The following CSE1L variants were observed in gnomAD, a reference collection of about 807,000 sequenced individuals.
CSE1L encodes chromosome segregation 1 like.
In CSE1L, 24 loss-of-function variants were observed where a neutral mutation model predicts 120.4. The observed-to-expected ratio is 0.20, with a 90% CI of 0.14 to 0.28. The LOEUF is 0.28. CSE1L is among the 10% of genes least tolerant of loss of function. The probability of loss-of-function intolerance (pLI) is 1.00; values close to 1 mark genes in which losing one functional copy is unlikely to be tolerated. For missense variants in CSE1L, 830 were observed against 1,145.2 expected, an observed-to-expected ratio of 0.72 and a Z score of 3.97; for synonymous variants, 402 against 398.3, an observed-to-expected ratio of 1.01 and a Z score of -0.11.
chr20:49,092,476 T>G (rs928894179), intron 22 of CSE1L, among the ~76,000 whole-genome samples: 1 of 151,926 alleles, frequency 6.6e-6, no homozygotes, highest in African/African-American at 2.4e-5. Flanking sequence ...CTCTACACAC[T>G]GGCATTCTCC....
intron 1 of CSE1L, among the ~76,000 whole-genome samples, chr20:49,047,564 CTTTTTTTTTT>C (rs59986218): frequency 0.15 from 10,636 of 70,150 alleles, 757 homozygotes; most frequent in Middle Eastern, 0.21. Flanking sequence ...TTTCTCTTTT[CTTTTTTTTTT>C]TTTTTTTTTT....
Position 49,050,718 on chromosome 20 carries a change from A to C in CSE1L, c.-12+4295A>C, listed in dbSNP as rs571855505. On this transcript the variant is annotated intron_variant, in intron 1 of 24. Transcript: ENST00000262982. The stretch of plus-strand genomic sequence containing the variant: ...AAGCCACCGCGCCCGGCCTGAGCCC[A>C]GCTAATTTTTAAAATTTTTTGTAGA... Among the ~76,000 whole-genome samples, 12 of 151,780 alleles carry C rather than the reference A, an allele frequency of 7.9e-5. No individual in the cohort carries two copies. In the East Asian group the frequency reaches 2.1e-3, roughly 27 times the overall value.
At chr20:49,076,564 CTG>C (rs1252835586) in intron 12 of CSE1L, among the ~76,000 whole-genome samples, 1 of 108,812 alleles carries the variant, frequency 9.2e-6, no homozygotes, top group Non-Finnish European at 1.7e-5. Context: ...TTGTCTTGCT[CTG>C]TCATCCAGGC....
chr20:49,090,425 A>G (rs531338895), intron 19 of CSE1L, among the ~76,000 whole-genome samples: 119 of 152,202 alleles, frequency 7.8e-4, no homozygotes, highest in Non-Finnish European at 1.6e-3. Flanking sequence ...GTGTGGTGGC[A>G]CGTGCCTGTA....
chr20:49,086,124 A>G (rs1312583847), intron 16 of CSE1L, among the ~76,000 whole-genome samples: 3 of 152,086 alleles, frequency 2.0e-5, no homozygotes, highest in African/African-American at 7.2e-5. Flanking sequence ...GCACTACATT[A>G]GTTGAGTGTC....
Position 49,078,618 on chromosome 20 carries a change from A to C in CSE1L, c.1478A>C (p.Asn493Thr). 6.4e-7 allele frequency: 1 copy of C among 1,557,554 alleles called. No individual in the cohort carries two copies. The highest frequency in any genetic ancestry group is 8.7e-7 in the Non-Finnish European group (1 of 1,146,506). Reference sequence around the variant, plus strand: ...ATCAAATATATTATGATTTTTAGAAATCAAGTAAGTAGCTTTTTATTTGTT... The same window carrying C: ...ATCAAATATATTATGATTTTTAGAACTCAAGTAAGTAGCTTTTTATTTGTT... ...DGIKYIMIFR[N>T]QVPKEHLLVS... Residue 493 changes from asparagine to threonine, a missense_variant, in exon 14 of 25, where the codon AAT becomes ACT. Coordinates refer to ENST00000262982, the MANE Select transcript of CSE1L (RefSeq NM_001316.4).
chr20:49,087,912 T>G, intron 16 of CSE1L, 97 bp from the exon 17 acceptor site: 1 of 710,684 alleles, frequency 1.4e-6, no homozygotes, highest in Non-Finnish European at 2.3e-6. Flanking sequence ...TCTTAAAATT[T>G]AGTTGATGAA....
chr20:49,061,744 C>T (rs183657834), intron 2 of CSE1L, among the ~76,000 whole-genome samples: 1 of 151,646 alleles, frequency 6.6e-6, no homozygotes, highest in Admixed American at 6.6e-5. Flanking sequence ...ACCTTGTGAT[C>T]CACTCGTCTC....
chr20:49,085,347 A>T lies in CSE1L; in HGVS notation c.1684A>T (p.Thr562Ser). Residue 562 changes from threonine (T) to serine (S), a missense_variant, in exon 16 of 25, where the codon ACA becomes TCA. Physicochemically the swap from Thr to Ser is moderately conservative, Grantham distance 58 (BLOSUM62 1). Around this residue, in one of 4 missense-constraint regions of CSE1L, gnomAD observed 168 missense variants for 267.9 expected, o/e 0.63. Coordinates refer to ENST00000262982, the MANE Select transcript of CSE1L (RefSeq NM_001316.4). ...ILLTNLFKAL[T>S]LPGSSENEYI... is the part of the protein sequence containing the mutation. ...GCTAACAAACCTTTTCAAAGCTCTCACACTTCCTGGCTCTTCAGAAAATGA... is the reference window on the plus strand; with the variant it reads ...GCTAACAAACCTTTTCAAAGCTCTCTCACTTCCTGGCTCTTCAGAAAATGA... 1.9e-6 allele frequency: 3 copies of T among 1,613,904 alleles called. No individual in the cohort carries two copies. Among genetic ancestry groups the T allele is most frequent in the African/African-American group, 2.7e-5 (2 of 74,974 alleles).
At position 49,096,338 on chromosome 20, in the gene CSE1L, A is replaced by G. The variant is rs1213241276; in HGVS notation, c.2827-11A>G. On this transcript the variant is annotated splice_polypyrimidine_tract_variant and intron_variant, in intron 24 of 24. Coordinates refer to ENST00000262982, the MANE Select transcript of CSE1L (RefSeq NM_001316.4). ...CTCCAACAGCCAGTGTGTGTTTCCC[A>G]TCTCTTGTAGGTTCCATCAATGGTG... 6 of 1,609,682 alleles carry G rather than the reference A, an allele frequency of 3.7e-6. No homozygotes were observed. The highest frequency in any genetic ancestry group is 5.1e-6 in the Non-Finnish European group (6 of 1,176,190).
intron 13 of CSE1L, 106 bp downstream of exon 13, chr20:49,077,170 T>C (rs1337009510): frequency 4.2e-6 from 3 of 713,908 alleles, no homozygotes; most frequent in East Asian, 2.8e-5. Flanking sequence ...TTTTTTTTTT[T>C]TTCTTTTGAG....
chr20:49,094,687 G>A (rs535837198), intron 23 of CSE1L, 45 bp from the exon 24 acceptor site: 8 of 1,358,858 alleles, frequency 5.9e-6, no homozygotes, highest in East Asian at 2.3e-5. Context: ...TAAGTCTTCC[G>A]AGTATTTTCT....
intron 1 of CSE1L, among the ~76,000 whole-genome samples, chr20:49,051,608 T>G (rs2869693): frequency 0.99 from 150,802 of 152,396 alleles, 74,622 homozygotes; most frequent in Middle Eastern, 1. Flanking sequence ...GCTTTCCGTG[T>G]GCAGAGCTCT....
intron 17 of CSE1L, among the ~76,000 whole-genome samples, chr20:49,088,439 C>G (rs1220635941): frequency 6.6e-6 from 1 of 152,182 alleles, no homozygotes; most frequent in African/African-American, 2.4e-5. Flanking sequence ...AAGAGGCTGT[C>G]TGGACTTCTA....
At chr20:49,055,070 G>A (rs1450455386) in intron 1 of CSE1L, among the ~76,000 whole-genome samples, 5 of 152,202 alleles carry the variant, frequency 3.3e-5, no homozygotes, top group African/African-American at 1.2e-4. Context: ...TTCAGAATTT[G>A]GGATTTTTTT....
intron 7 of CSE1L, among the ~76,000 whole-genome samples, 161 bp from the exon 8 acceptor site, chr20:49,070,044 G>A (rs553094144): frequency 6.6e-6 from 1 of 152,340 alleles, no homozygotes; most frequent in South Asian, 2.1e-4. Flanking sequence ...GCTTTATGCA[G>A]CTGCCAGATG....
intron 12 of CSE1L, 108 bp downstream of exon 12, chr20:49,075,628 C>G: frequency 1.2e-6 from 1 of 845,508 alleles, no homozygotes; most frequent in African/African-American, 1.7e-5. Flanking sequence ...GCCAGATAAC[C>G]TATTCTGATT....
At chr20:49,057,455 T>TC (rs11482934) in intron 1 of CSE1L, among the ~76,000 whole-genome samples, 2 of 55,130 alleles carry the variant, frequency 3.6e-5, no homozygotes, top group African/African-American at 2.5e-4. Flanking sequence ...TTGTGGGGCC[T>TC]TTTTTTTTTT....
chr20:49,092,165 G>A (rs2092106411), intron 22 of CSE1L, 38 bp downstream of exon 22: 2 of 1,241,600 alleles, frequency 1.6e-6, no homozygotes, highest in Non-Finnish European at 2.3e-6. Context: ...GGAAGAAAAT[G>A]TTTTGACTTT....
Sources: allele counts gnomAD v4.1 joint callset (sites outside exome capture counted in the v4.1 genomes callset), GRCh38; gene constraint gnomAD v4.1.1; regional missense constraint gnomAD v4.1.1; transcripts MANE v1.5; gene names NCBI Gene and HGNC (gene_info 2026-07-23, HGNC 2026-07-21).